STK36: variants seen among roughly 807,000 people sequenced by gnomAD.
The protein encoded by STK36 is serine/threonine-protein kinase 36.
STK36 carries 116 observed loss-of-function variants against 142.2 expected under a neutral mutation model. The observed-to-expected ratio is 0.82, with a 90% confidence interval of 0.70 to 0.95. The LOEUF (loss-of-function observed/expected upper bound fraction) is 0.95. Ranked by LOEUF, STK36 falls within the 40% of genes least tolerant of loss-of-function variation. STK36 has a pLI of 0.00. For missense variants in STK36, 1,422 were observed against 1,617.2 expected (o/e 0.88, Z 2.07); for synonymous variants, 619 against 641.7 (o/e 0.96, Z 0.53).
At position 218,701,946 on chromosome 2, in the gene STK36, G is replaced by T. The variant is rs1575147542; in HGVS notation, c.3885G>T (p.Arg1295Ser). The T allele has an allele frequency of 1.9e-6, 3 of 1,614,096 alleles. No individual in the cohort carries two copies. The highest frequency in any genetic ancestry group is 2.5e-6 in the Non-Finnish European group (3 of 1,180,022). ...AGTCACTGCCACACAGCAGTCCTAG[G>T]CCTGCCTCTGCCAAACACTGCAGGA... Reference protein sequence around the residue: ...GNQSLPHSSPRPASAKHCRKL... With the variant: ...GNQSLPHSSPSPASAKHCRKL... Residue 1295 changes from arginine (R) to serine (S), a missense_variant, in exon 27 of 27, where the codon AGG becomes AGT. Arg to Ser is a moderately radical substitution (Grantham distance 110, BLOSUM62 -1). Transcript: ENST00000295709.
intron 26 of STK36, 76 bp downstream of exon 26, chr2:218,699,424 A>G: frequency 6.5e-7 from 1 of 1,537,112 alleles, no homozygotes; most frequent in Non-Finnish European, 8.7e-7. Flanking sequence ...GATCATCTGT[A>G]AGGAATTGGA....
chr2:218,689,866 G>T lies in STK36; in HGVS notation c.1568G>T (p.Trp523Leu). The change falls in exon 13 of 27, where the codon TGG becomes TTG. Residue 523 changes from tryptophan to leucine, a missense_variant. Physicochemically the swap from Trp to Leu is moderately conservative, Grantham distance 61 (BLOSUM62 -2). Around this residue, in one of 2 missense-constraint regions of STK36, gnomAD observed 962 missense variants for 1,167.5 expected, o/e 0.82. Transcript: ENST00000295709. ...TCTCCTTTTCCTGGGCAGCAATCTT[G>T]GTATGGGACCTTCTTACAGGACCTG... ...QESNSLQQQS[W>L]YGTFLQDLMA... 1 of 1,609,540 alleles carries T rather than the reference G, an allele frequency of 6.2e-7. No individual in the cohort carries two copies. Among genetic ancestry groups the T allele is most frequent in the East Asian group, 2.2e-5 (1 of 44,832 alleles).
chr2:218,679,483 T>C (rs930894613), intron 7 of STK36, 77 bp from the exon 8 acceptor site: 3 of 1,520,514 alleles, frequency 2.0e-6, no homozygotes, highest in Middle Eastern at 2.0e-4. Context: ...CTGGAGACAC[T>C]GAAGTTGTCC....
At chr2:218,688,421 G>A (rs1438344337) in intron 11 of STK36, 1 of 582,374 alleles carries the variant, frequency 1.7e-6, no homozygotes. Flanking sequence ...GGGAGCAGAT[G>A]GGAATGGCAC....
intron 10 of STK36, among the ~76,000 whole-genome samples, chr2:218,681,091 G>A (rs1427268585): frequency 6.7e-6 from 1 of 150,088 alleles, no homozygotes; most frequent in Non-Finnish European, 1.5e-5. Context: ...TATAATCTGG[G>A]ATCTTTCTAC....
Position 218,697,485 on chromosome 2 carries a change from G to C in STK36, c.2784G>C (p.Leu928=). ...CAGGCATGGCAGCCCTGCTGAGCCT[G>C]GCCATGGCCACCTTTACCCAGGAGC... is the stretch of plus-strand genomic sequence containing the variant. The part of the protein sequence containing the change: ...SPQGMAALLS[L]AMATFTQEPQ... Residue 928 remains leucine (L), a synonymous_variant, in exon 24 of 27, where the codon CTG becomes CTC. Coordinates refer to ENST00000295709, the MANE Select transcript of STK36 (RefSeq NM_015690.5). 1 of 1,614,190 alleles carries C rather than the reference G, an allele frequency of 6.2e-7. No homozygotes were observed. Among genetic ancestry groups the C allele is most frequent in the Non-Finnish European group, 8.5e-7 (1 of 1,180,030 alleles).
chr2:218,685,311 G>C, intron 11 of STK36, 83 bp downstream of exon 11: 1 of 1,539,060 alleles, frequency 6.5e-7, no homozygotes, highest in Non-Finnish European at 8.8e-7. Flanking sequence ...TCAGGAGAAA[G>C]AGAAAGTTTG....
At chr2:218,692,852 C>T (rs1941066207) in intron 16 of STK36, 142 bp downstream of exon 16, 2 of 1,201,792 alleles carry the variant, frequency 1.7e-6, no homozygotes, top group African/African-American at 1.5e-5. Flanking sequence ...CCACCCTGGG[C>T]CATTTGTAGA....
chr2:218,681,278 C>G (rs980408824), intron 10 of STK36, among the ~76,000 whole-genome samples: 1 of 152,060 alleles, frequency 6.6e-6, no homozygotes, highest in Non-Finnish European at 1.5e-5. Flanking sequence ...AGGTGCCCAC[C>G]ACCACACGTG....
chr2:218,679,550 C>T lies in STK36; in HGVS notation c.779-10C>T. 1.9e-6 allele frequency: 3 copies of T among 1,611,874 alleles called. No homozygotes were observed. The highest frequency in any genetic ancestry group is 2.5e-6 in the Non-Finnish European group (3 of 1,178,880). On this transcript the variant is annotated splice_polypyrimidine_tract_variant and intron_variant, in intron 7 of 26. Coordinates refer to ENST00000295709, the MANE Select transcript of STK36 (RefSeq NM_015690.5). ...CATGATCATGTCTTCCTCCTCTTCC[C>T]TCCCTGCAGTAATAACTGAGCCAGC...
intron 4 of STK36, among the ~76,000 whole-genome samples, chr2:218,674,234 G>A (rs150346561): frequency 4.5e-4 from 69 of 152,322 alleles, no homozygotes; most frequent in African/African-American, 1.6e-3. Flanking sequence ...TTTGTAAAAT[G>A]GAGATAATAA....
At position 218,694,404 on chromosome 2, in the gene STK36, C is replaced by A; in HGVS notation, c.2400+77C>A. 5 of 1,518,206 alleles carry A rather than the reference C, an allele frequency of 3.3e-6. No individual in the cohort carries two copies. The highest frequency in any genetic ancestry group is 4.6e-6 in the Non-Finnish European group (5 of 1,093,150). The allele number at this position is 1,518,206 out of a possible 1,614,324, so 94.0% of individuals were successfully genotyped here. The stretch of plus-strand genomic sequence containing the variant: ...TTGTGGAAGTGGGGGAGTCACTATC[C>A]AATTTGCATCTGTTTCTGGAGGCAT... On this transcript the variant is annotated intron_variant, in intron 20 of 26. Coordinates refer to ENST00000295709, the MANE Select transcript of STK36 (RefSeq NM_015690.5). This position sits in a 1 kb window ranked among gnomAD's most constrained non-coding sequence, Gnocchi z 4.4.
intron 6 of STK36, among the ~76,000 whole-genome samples, chr2:218,676,500 A>G (rs958790442): frequency 1.3e-5 from 2 of 152,154 alleles, no homozygotes; most frequent in African/African-American, 2.4e-5. Flanking sequence ...TAGCCTGTAC[A>G]GGAAGGATGG....
chr2:218,690,604 GT>G (rs1316359208), intron 14 of STK36, 49 bp downstream of exon 14: 1 of 1,427,626 alleles, frequency 7.0e-7, no homozygotes, highest in Non-Finnish European at 9.9e-7. Context: ...CATTCTCCGT[GT>G]TTCTCCCATC....
Position 218,679,941 on chromosome 2 carries a change from A to G in STK36, c.997A>G (p.Lys333Glu). ...CCTTGAGCAAGAGGACAAGACCAGC[A>G]AGGTGGCTCCTGGCACAGCCCCTCT... ...PALEQEDKTS[K>E]VAPGTAPLPR... is the part of the protein sequence containing the mutation. The change falls in exon 9 of 27, where the codon AAG becomes GAG. Residue 333 changes from lysine (K) to glutamate (E), a missense_variant. Physicochemically the swap from Lys to Glu is moderately conservative, Grantham distance 56. Coordinates refer to ENST00000295709, the MANE Select transcript of STK36 (RefSeq NM_015690.5). 6.2e-7 allele frequency: 1 copy of G among 1,614,214 alleles called. No homozygotes were observed. Among genetic ancestry groups the G allele is most frequent in the Non-Finnish European group, 8.5e-7 (1 of 1,180,020 alleles).
At chr2:218,674,267 T>C (rs1384121528) in intron 4 of STK36, among the ~76,000 whole-genome samples, 3 of 152,234 alleles carry the variant, frequency 2.0e-5, no homozygotes, top group African/African-American at 7.2e-5. Context: ...GATAAGTCTA[T>C]GATGAAGAGT....
In STK36 at chr2:218,672,114, C is replaced by T; in HGVS notation, c.-191C>T. ...CGGGCCTGATGGCCCTGAGGCAGTTCGGATGTGTCCCAGGAAGTGCCCATG... is the reference window on the plus strand; with the variant it reads ...CGGGCCTGATGGCCCTGAGGCAGTTTGGATGTGTCCCAGGAAGTGCCCATG... On this transcript the variant is annotated 5_prime_UTR_variant, in exon 1 of 27. Coordinates refer to ENST00000295709, the MANE Select transcript of STK36 (RefSeq NM_015690.5). 1.0e-6 allele frequency: 1 copy of T among 959,118 alleles called. No homozygotes were observed. Among genetic ancestry groups the T allele is most frequent in the East Asian group, 2.6e-5 (1 of 38,278 alleles). 59.4% of individuals were successfully genotyped at this position (959,118 alleles called of 1,614,324 possible).
At chr2:218,695,431 G>A (rs1941193248) in intron 21 of STK36, among the ~76,000 whole-genome samples, 1 of 149,844 alleles carries the variant, frequency 6.7e-6, no homozygotes. Context: ...TCTCCATGTT[G>A]GTCAGGCTGG....
chr2:218,682,410 A>G (rs2106350779), intron 10 of STK36, among the ~76,000 whole-genome samples: 1 of 152,296 alleles, frequency 6.6e-6, no homozygotes, highest in African/African-American at 2.4e-5. Flanking sequence ...AAGATCCTTC[A>G]CTTACACTAA....
Sources: gnomAD v4.1 joint callset for allele counts (sites outside exome capture counted in the v4.1 genomes callset) on GRCh38, gnomAD v4.1.1 for gene constraint, gnomAD v4.1.1 regional missense constraint, Gnocchi (gnomAD v3.1) non-coding constraint, MANE v1.5 for transcripts, NCBI Gene and HGNC (gene_info 2026-07-23, HGNC 2026-07-21) for gene names.